Variants in NTNG1 observed in about 807,000 individuals in gnomAD.
The protein encoded by NTNG1 is netrin-G1.
Under a neutral mutation model 54.0 loss-of-function variants are expected in NTNG1, and 16 were observed. That is an observed-to-expected ratio of 0.30 (90% confidence interval 0.20 to 0.45). NTNG1 has a LOEUF of 0.45. Ranked by LOEUF, NTNG1 falls within the 20% of genes least tolerant of loss-of-function variation. The pLI, the probability that NTNG1 is intolerant of heterozygous loss-of-function variation, is 1.00. For missense variants in NTNG1, 530 were observed against 678.7 expected, an observed-to-expected ratio of 0.78 and a Z score of 2.43; for synonymous variants, 255 against 263.1, an observed-to-expected ratio of 0.97 and a Z score of 0.30.
intron 2 of NTNG1, among the ~76,000 whole-genome samples, chr1:107,235,739 A>C (rs1029882578): frequency 6.6e-6 from 1 of 152,210 alleles, no homozygotes; most frequent in African/African-American, 2.4e-5. Context: ...TAATAGAGAA[A>C]GAAATAGGAC....
chr1:107,304,187 CT>C (rs35149559), intron 2 of NTNG1, among the ~76,000 whole-genome samples: 124 of 147,222 alleles, frequency 8.4e-4, no homozygotes, highest in African/African-American at 1.9e-3. Context: ...TGATCACATA[CT>C]TTTTTTTTTT....
At chr1:107,269,640 G>A (rs1239817038) in intron 2 of NTNG1, among the ~76,000 whole-genome samples, 1 of 152,194 alleles carries the variant, frequency 6.6e-6, no homozygotes, top group African/African-American at 2.4e-5. Context: ...ATAAATGAAT[G>A]AATGTTCCTC....
At chr1:107,165,832 G>A (rs1655752288) in intron 2 of NTNG1, among the ~76,000 whole-genome samples, 1 of 152,120 alleles carries the variant, frequency 6.6e-6, no homozygotes, top group Admixed American at 6.6e-5. Flanking sequence ...GAAGAATCTG[G>A]CAGAAGGTGA....
chr1:107,152,694 A>G (rs544226751), intron 2 of NTNG1, among the ~76,000 whole-genome samples: 1 of 152,316 alleles, frequency 6.6e-6, no homozygotes, highest in African/African-American at 2.4e-5. Context: ...GGAAACAAAG[A>G]TTATTAAAAA....
intron 2 of NTNG1, among the ~76,000 whole-genome samples, chr1:107,218,241 A>T (rs758675717): frequency 6.6e-6 from 1 of 152,036 alleles, no homozygotes; most frequent in Non-Finnish European, 1.5e-5. Flanking sequence ...TTGCTTTAAA[A>T]TTTGTTTTGT....
rs1018552990 is a variant in NTNG1, at chr1:107,404,000, G to C, written c.1061-3682G>C. Among the ~76,000 whole-genome samples, 302 of 151,428 alleles carry C rather than the reference G, an allele frequency of 2.0e-3. 5 individuals are homozygous for C. The highest frequency in any genetic ancestry group is 4.7e-4 in the Non-Finnish European group (32 of 67,854). On this transcript the variant is annotated intron_variant, in intron 4 of 7. Coordinates refer to ENST00000370068, the MANE Select transcript of NTNG1 (RefSeq NM_001113226.3). ...CCTGTCATCTCTTTATCTTTCCCAA[G>C]TATTTTTGAGGTTGTTCCAGAGATG...
At chr1:107,330,776 C>G (rs1668228552) in intron 3 of NTNG1, 2 of 151,996 alleles carry the variant, frequency 1.3e-5, no homozygotes, top group Admixed American at 1.3e-4. Context: ...TTATGGTGGA[C>G]TCTTTGAGAA....
intron 5 of NTNG1, chr1:107,409,103 C>G (rs369651981): frequency 1.4e-4 from 22 of 152,320 alleles, no homozygotes; most frequent in Non-Finnish European, 2.9e-4. Context: ...CTTGTTGAAA[C>G]AGCATCAGTG....
intron 3 of NTNG1, among the ~76,000 whole-genome samples, chr1:107,335,222 C>T (rs1668511517): frequency 6.6e-6 from 1 of 151,986 alleles, no homozygotes; most frequent in Non-Finnish European, 1.5e-5. Context: ...TGCTCTCATT[C>T]TCAAGCAATA....
At chr1:107,174,523 A>G (rs190850149) in intron 2 of NTNG1, among the ~76,000 whole-genome samples, 99 of 151,806 alleles carry the variant, frequency 6.5e-4, no homozygotes, top group African/African-American at 2.3e-3. Context: ...CTCCCTGTTC[A>G]TTCCTCTACC....
chr1:107,291,981 GA>G (rs1329369908), intron 2 of NTNG1, among the ~76,000 whole-genome samples: 1 of 144,442 alleles, frequency 6.9e-6, no homozygotes, highest in African/African-American at 2.5e-5. Flanking sequence ...GTAACCAGAA[GA>G]TTTTTTTTTT....
At chr1:107,405,149 CA>C (rs1673327521) in intron 4 of NTNG1, among the ~76,000 whole-genome samples, 1 of 152,078 alleles carries the variant, frequency 6.6e-6, no homozygotes, top group South Asian at 2.1e-4. Context: ...TGAGTTTATT[CA>C]ATTCTTTATC....
intron 3 of NTNG1, among the ~76,000 whole-genome samples, chr1:107,363,491 G>T (rs958731380): frequency 1.3e-5 from 2 of 152,126 alleles, no homozygotes; most frequent in Non-Finnish European, 2.9e-5. Context: ...CTCCTTATCT[G>T]AACCATAGTT....
chr1:107,182,154 A>G (rs1657119481), intron 2 of NTNG1, among the ~76,000 whole-genome samples: 1 of 152,180 alleles, frequency 6.6e-6, no homozygotes, highest in Non-Finnish European at 1.5e-5. Flanking sequence ...TTGAATGCAT[A>G]AATGTATTTT....
chr1:107,163,499 A>G (rs1655557953), intron 2 of NTNG1, among the ~76,000 whole-genome samples: 1 of 152,124 alleles, frequency 6.6e-6, no homozygotes, highest in African/African-American at 2.4e-5. Flanking sequence ...AGGTTTTCCT[A>G]TTAGTTTCCC....
At chr1:107,173,162 G>A (rs965827573) in intron 2 of NTNG1, among the ~76,000 whole-genome samples, 4 of 152,128 alleles carry the variant, frequency 2.6e-5, no homozygotes, top group Admixed American at 2.6e-4. Flanking sequence ...GTGTTTCAAG[G>A]ATTTATTGAG....
rs1377601071 is a variant in NTNG1 at position 107,283,853 on chromosome 1, G to C, written c.247-40429G>C. On this transcript the variant is annotated intron_variant, in intron 2 of 7. Coordinates refer to ENST00000370068, the MANE Select transcript of NTNG1 (RefSeq NM_001113226.3). Reference sequence around the variant, plus strand: ...GCCATTGACTCCTATACCCTAAGCTGTCTTTCAGTTATTCATTTGCATGCC... The same window carrying C: ...GCCATTGACTCCTATACCCTAAGCTCTCTTTCAGTTATTCATTTGCATGCC... Among the ~76,000 whole-genome samples, 11 of 152,104 alleles carry C rather than the reference G, an allele frequency of 7.2e-5. 1 individual carries two copies. Among genetic ancestry groups the C allele is most frequent in the Non-Finnish European group, 1.5e-5 (1 of 68,012 alleles).
intron 4 of NTNG1, among the ~76,000 whole-genome samples, chr1:107,400,651 G>GTC (rs1672964016): frequency 6.8e-6 from 1 of 147,504 alleles, no homozygotes; most frequent in East Asian, 2.0e-4. Flanking sequence ...TGTGGAATAA[G>GTC]TTTTTTTTTT....
chr1:107,415,664 GA>G (rs200619151), intron 5 of NTNG1, among the ~76,000 whole-genome samples: 11 of 150,710 alleles, frequency 7.3e-5, no homozygotes, highest in African/African-American at 9.8e-5. Flanking sequence ...GTTGATTTGT[GA>G]AAAAAAAATG....
Sources: gnomAD v4.1 joint callset for allele counts (sites outside exome capture counted in the v4.1 genomes callset) on GRCh38, gnomAD v4.1.1 for gene constraint, MANE v1.5 for transcripts, NCBI Gene and HGNC (gene_info 2026-07-23, HGNC 2026-07-21) for gene names.